The following E2F5 variants were observed in gnomAD, a reference collection of about 807,000 sequenced individuals.
The protein encoded by E2F5 is transcription factor E2F5.
E2F5 carries 23 observed loss-of-function variants against 39.1 expected under a neutral mutation model. The observed-to-expected ratio is 0.59, with a 90% CI of 0.42 to 0.83. The LOEUF is 0.83. Among genes scored for constraint, E2F5 ranks in the 40% least tolerant of loss-of-function variants. The pLI, the probability that E2F5 is intolerant of heterozygous loss-of-function variation, is 0.00. For synonymous variants in E2F5, 145 were observed against 157.8 expected (o/e 0.92, Z 0.61); for missense variants, 365 against 406.7 (o/e 0.90, Z 0.88).
At chr8:85,206,736 A>G (rs1307935726) in intron 4 of E2F5, among the ~76,000 whole-genome samples, 1 of 152,204 alleles carries the variant, frequency 6.6e-6, no homozygotes, top group African/African-American at 2.4e-5. Flanking sequence ...GTTAATAATT[A>G]TAATTATTAA....
Position 85,198,574 on chromosome 8 carries a change from T to C in E2F5, c.235-3573T>C, listed in dbSNP as rs562871096. ...AAATCACTGATCAGTTCTCACTAAC[T>C]TGCTCTGACAGCAATACTTGATATG... On this transcript the variant is annotated intron_variant, in intron 1 of 7. Coordinates refer to ENST00000416274, the MANE Select transcript of E2F5 (RefSeq NM_001951.4). Among the ~76,000 whole-genome samples the C allele has an allele frequency of 2.0e-5, 3 of 152,296 alleles. No homozygotes were observed. The South Asian group carries it at 6.2e-4, about 32-fold the overall frequency.
intron 1 of E2F5, among the ~76,000 whole-genome samples, chr8:85,180,868 C>T (rs1188890058): frequency 2.6e-5 from 4 of 151,504 alleles, no homozygotes; most frequent in Non-Finnish European, 5.9e-5. Context: ...CGTGAGCCAC[C>T]GCGCCCGGCC....
At chr8:85,181,346 T>C (rs111506219) in intron 1 of E2F5, among the ~76,000 whole-genome samples, 5,592 of 151,954 alleles carry the variant, frequency 0.037, 168 homozygotes, top group Non-Finnish European at 0.059. Flanking sequence ...TTCTTTTTTT[T>C]TGAGACGGGA....
intron 3 of E2F5, among the ~76,000 whole-genome samples, chr8:85,203,810 T>A (rs971518032): frequency 6.8e-6 from 1 of 148,104 alleles, no homozygotes; most frequent in East Asian, 1.9e-4. Context: ...TTATTATATA[T>A]AATACATATA....
Position 85,213,817 on chromosome 8 carries a change from C to T in E2F5, c.996C>T (p.Asn332=), listed in dbSNP as rs139427134. The T allele has an allele frequency of 8.5e-5, 137 of 1,613,100 alleles. 1 individual carries two copies. In the East Asian group the frequency reaches 2.6e-3, roughly 31 times the overall value. ...ACTACAACTTTAATTTAGATGATAA[C>T]GAAGGAGTTTGTGATCTGTTTGATG... The part of the protein sequence containing the change: ...ADDYNFNLDD[N]EGVCDLFDVQ... Residue 332 remains asparagine, a synonymous_variant, in exon 8 of 8, where the codon AAC becomes AAT. Coordinates refer to ENST00000416274, the MANE Select transcript of E2F5 (RefSeq NM_001951.4).
intron 3 of E2F5, among the ~76,000 whole-genome samples, chr8:85,205,056 T>C (rs1812773415): frequency 6.6e-6 from 1 of 152,122 alleles, no homozygotes; most frequent in Admixed American, 6.5e-5. Context: ...CATGGCAATG[T>C]GCATCTGTAA....
intron 1 of E2F5, among the ~76,000 whole-genome samples, chr8:85,180,452 A>AT (rs1215763675): frequency 7.0e-6 from 1 of 143,014 alleles, no homozygotes; most frequent in Non-Finnish European, 1.5e-5. Context: ...TTTCAGCATA[A>AT]TTTTTTTGAA....
At position 85,190,121 on chromosome 8, in the gene E2F5, C is replaced by T. The variant is rs185300729; in HGVS notation, c.235-12026C>T. 5.3e-5 allele frequency among the ~76,000 whole-genome samples: 8 copies of T among 152,284 alleles called. No individual in the cohort carries two copies. The East Asian group carries it at 1.4e-3, about 26-fold the overall frequency. ...CCTCTGCCACCTCGTCTATGCACTC[C>T]CTCTTAGATGACTCCAGTCTCACTG... On this transcript the variant is annotated intron_variant, in intron 1 of 7. Transcript: ENST00000416274.
At chr8:85,212,084 GACT>G (rs1202668107) in intron 6 of E2F5, 70 bp from the exon 7 acceptor site, 1 of 1,181,644 alleles carries the variant, frequency 8.5e-7, no homozygotes. Context: ...CTGCTGCTGT[GACT>G]ACTTGTGTTT....
rs754569856 is a variant in E2F5 at position 85,214,103 on chromosome 8, T to A, written c.*241T>A. ...ACGTCCCCACTCCCAAAAGTAACTATATTCTGGATTTCAACTTTTCTTCTA... is the reference window on the plus strand; with the variant it reads ...ACGTCCCCACTCCCAAAAGTAACTAAATTCTGGATTTCAACTTTTCTTCTA... On this transcript the variant is annotated 3_prime_UTR_variant, in exon 8 of 8. Coordinates refer to ENST00000416274, the MANE Select transcript of E2F5 (RefSeq NM_001951.4). 2.3e-4 allele frequency: 131 copies of A among 577,780 alleles called. 1 individual carries two copies. In the Middle Eastern group the frequency reaches 9.0e-3, roughly 40 times the overall value. The allele number at this position is 577,780 out of a possible 1,614,324, so 35.8% of individuals were successfully genotyped here. A position where few individuals can be genotyped will look rare whatever the true frequency, so the allele number is the denominator to read the frequency against.
chr8:85,183,039 C>T (rs1055978560), intron 1 of E2F5, among the ~76,000 whole-genome samples: 1 of 152,038 alleles, frequency 6.6e-6, no homozygotes, highest in African/African-American at 2.4e-5. Flanking sequence ...ATCACGAGGT[C>T]GGGAGATTGA....
At chr8:85,178,377 T>A (rs1812130652) in intron 1 of E2F5, among the ~76,000 whole-genome samples, 1 of 152,110 alleles carries the variant, frequency 6.6e-6, no homozygotes, top group South Asian at 2.1e-4. Context: ...GAGGTGGAAG[T>A]GCTCAGTAAA....
intron 1 of E2F5, among the ~76,000 whole-genome samples, chr8:85,200,056 G>A (rs997945365): frequency 6.6e-6 from 1 of 152,070 alleles, no homozygotes; most frequent in Non-Finnish European, 1.5e-5. Flanking sequence ...AGACCAGCCT[G>A]GCCAACATGG....
intron 1 of E2F5, among the ~76,000 whole-genome samples, chr8:85,185,468 C>G (rs1812310669): frequency 6.6e-6 from 1 of 152,172 alleles, no homozygotes. Flanking sequence ...GACTTCTTGT[C>G]TAAAACACGA....
At chr8:85,197,073 A>G (rs1181552346) in intron 1 of E2F5, among the ~76,000 whole-genome samples, 1 of 152,160 alleles carries the variant, frequency 6.6e-6, no homozygotes, top group East Asian at 1.9e-4. Flanking sequence ...GGTTTTATAT[A>G]GTACTTCTGT....
chr8:85,196,180 T>C (rs1318157149), intron 1 of E2F5, among the ~76,000 whole-genome samples: 1 of 152,178 alleles, frequency 6.6e-6, no homozygotes, highest in Non-Finnish European at 1.5e-5. Flanking sequence ...TTTGCGTCTT[T>C]AAAGTAAGTT....
chr8:85,200,325 G>A (rs1812669296), intron 1 of E2F5: 1 of 937,778 alleles, frequency 1.1e-6, no homozygotes, highest in Non-Finnish European at 1.3e-6. Context: ...GTACATGTTA[G>A]TCATTTATAT....
At position 85,178,513 on chromosome 8, in the gene E2F5, C is replaced by T. The variant is rs4150843; in HGVS notation, c.234+859C>T. ...GGATTTGGAAGAATTCAACAGCGCT[C>T]AGGATAATGAGAATGTGGTCACTCC... On this transcript the variant is annotated intron_variant, in intron 1 of 7. Coordinates refer to ENST00000416274, the MANE Select transcript of E2F5 (RefSeq NM_001951.4). Among the ~76,000 whole-genome samples, 594 of 152,258 alleles carry T rather than the reference C, an allele frequency of 3.9e-3. 2 individuals carry two copies. The highest frequency in any genetic ancestry group is 0.014 in the African/African-American group (563 of 41,540).
At chr8:85,194,533 CTTT>C (rs753685580) in intron 1 of E2F5, among the ~76,000 whole-genome samples, 1 of 127,996 alleles carries the variant, frequency 7.8e-6, no homozygotes, top group Non-Finnish European at 1.7e-5. Flanking sequence ...GTTTGTTTCT[CTTT>C]TTTTTTTTTT....
Sources: allele counts gnomAD v4.1 joint callset (sites outside exome capture counted in the v4.1 genomes callset), GRCh38; gene constraint gnomAD v4.1.1; transcripts MANE v1.5; gene names NCBI Gene and HGNC (gene_info 2026-07-23, HGNC 2026-07-21).